GFOD2: variants seen among roughly 807,000 people sequenced by gnomAD.
GFOD2 encodes Gfo/Idh/MocA-like oxidoreductase domain containing 2.
A neutral mutation model predicts 24.6 loss-of-function variants in GFOD2; 9 were observed. The observed-to-expected ratio is 0.37, with a 90% confidence interval of 0.22 to 0.64. GFOD2 has a LOEUF of 0.64. GFOD2 is among the 30% of genes least tolerant of loss of function. GFOD2 has a pLI of 0.65. For missense variants in GFOD2, 476 were observed against 532.5 expected, an observed-to-expected ratio of 0.89 and a Z score of 1.04; for synonymous variants, 211 against 224.8, an observed-to-expected ratio of 0.94 and a Z score of 0.55.
chr16:67,682,153 TCAGCCTC>T (rs2053230440), intron 2 of GFOD2: 1 of 184,136 alleles, frequency 5.4e-6, no homozygotes, highest in African/African-American at 2.4e-5. Context: ...TTCTCCTGCC[TCAGCCTC>T]CTGAGTAGCT....
At chr16:67,676,789 C>T (rs2053187813) in intron 2 of GFOD2, 1 of 152,218 alleles carries the variant, frequency 6.6e-6, no homozygotes, top group Non-Finnish European at 1.5e-5. Flanking sequence ...TACGCTGCAG[C>T]CAACACGCAC....
At chr16:67,715,822 A>AC (rs2053502252) in intron 1 of GFOD2, among the ~76,000 whole-genome samples, 1 of 142,400 alleles carries the variant, frequency 7.0e-6, no homozygotes, top group African/African-American at 2.7e-5. Flanking sequence ...TGTTATAGAG[A>AC]CCCCCATCTC....
At chr16:67,681,557 C>T (rs991165524) in intron 2 of GFOD2, 44 of 486,074 alleles carry the variant, frequency 9.1e-5, no homozygotes, top group Admixed American at 2.6e-4. Context: ...CACAGGTGCA[C>T]GCCACTGTGC....
At chr16:67,695,428 ACTGT>A (rs2053351644) in intron 1 of GFOD2, among the ~76,000 whole-genome samples, 1 of 152,100 alleles carries the variant, frequency 6.6e-6, no homozygotes, top group East Asian at 1.9e-4. Context: ...CTATTTGGTC[ACTGT>A]CTGCTTTTAC....
At chr16:67,705,750 C>T (rs2053434433) in intron 1 of GFOD2, among the ~76,000 whole-genome samples, 1 of 151,796 alleles carries the variant, frequency 6.6e-6, no homozygotes, top group South Asian at 2.1e-4. Context: ...ACCAGCCTGG[C>T]CAACATCGTG....
chr16:67,697,076 C>A (rs1299520424), intron 1 of GFOD2, among the ~76,000 whole-genome samples: 3 of 152,222 alleles, frequency 2.0e-5, no homozygotes, highest in Non-Finnish European at 4.4e-5. Context: ...TTTCCCATCA[C>A]CACATGCTGG....
chr16:67,685,820 AC>A lies in GFOD2; in HGVS notation c.-87-19del. 7.4e-7 allele frequency: 1 copy of A among 1,348,214 alleles called. No homozygotes were observed. The highest frequency in any genetic ancestry group is 1.4e-5 in the South Asian group (1 of 73,552). The allele number at this position is 1,348,214 out of a possible 1,614,324, so 83.5% of individuals were successfully genotyped here. On this transcript the variant is annotated intron_variant, in intron 1 of 2. Transcript: ENST00000268797. ...CATGGCTCCTAGAATAGCAAACATT[AC>A]ACTGGTTATTACTGGAGAGGACACT...
intron 1 of GFOD2, among the ~76,000 whole-genome samples, chr16:67,713,653 A>G (rs575472039): frequency 1.3e-5 from 2 of 152,314 alleles, no homozygotes; most frequent in Admixed American, 6.5e-5. Context: ...TACAAAGGAT[A>G]GAGATGAAGA....
rs549070249 is a variant in GFOD2, at chr16:67,682,969, TTTTG to T, written c.259+2484_259+2487del. 1.9e-3 allele frequency: 783 copies of T among 410,460 alleles called. 4 individuals carry two copies. Among genetic ancestry groups the T allele is most frequent in the South Asian group, 0.01 (100 of 9,802 alleles). 25.4% of individuals were successfully genotyped at this position (410,460 alleles called of 1,614,324 possible). A position where few individuals can be genotyped will look rare whatever the true frequency, so the allele number is the denominator to read the frequency against. ...GTGGGGCCTGAGAATTTAGATTTCT[TTTTG>T]TTTGTTTGCTTTTGAGACAGTCTTA... is the stretch of plus-strand genomic sequence containing the variant. On this transcript the variant is annotated intron_variant, in intron 2 of 2. Transcript: ENST00000268797.
At chr16:67,718,038 T>C (rs1481439327) in intron 1 of GFOD2, among the ~76,000 whole-genome samples, 8 of 152,230 alleles carry the variant, frequency 5.3e-5, no homozygotes, top group Non-Finnish European at 1.5e-5. Context: ...CTTAAAACTC[T>C]TTTGTTCTCT....
rs548039958 is a variant in GFOD2 at position 67,691,822 on chromosome 16, T to C, written c.-87-6020A>G. On this transcript the variant is annotated intron_variant, in intron 1 of 2. Transcript: ENST00000268797. ...TAAAGTGTTTTCTGGATGCGCCTAC[T>C]CACTGGTGTCACCAGCTTCTCATGG... Among the ~76,000 whole-genome samples, 158 of 152,292 alleles carry C rather than the reference T, an allele frequency of 1.0e-3. 1 individual carries two copies. Among genetic ancestry groups the C allele is most frequent in the Non-Finnish European group, 1.9e-3 (128 of 68,028 alleles).
rs144416857 is a variant in GFOD2, at chr16:67,675,918, C to G, written c.395G>C (p.Arg132Pro). The G allele has an allele frequency of 6.2e-7, 1 of 1,614,086 alleles. No individual in the cohort carries two copies. The highest frequency in any genetic ancestry group is 8.5e-7 in the Non-Finnish European group (1 of 1,180,056). ...NVLRFLPAFV[R>P]MKQLISEHYV... Reference sequence around the variant, plus strand: ...GTGTTCCGAAATCAGCTGTTTCATGCGCACGAAGGCAGGCAGGAAGCGCAG... The same window carrying G: ...GTGTTCCGAAATCAGCTGTTTCATGGGCACGAAGGCAGGCAGGAAGCGCAG... Residue 132 changes from arginine (R) to proline (P), a missense_variant, in exon 3 of 3, where the codon CGC (arginine) becomes CCC (proline). By Grantham distance (103) the Arg-to-Pro change is moderately radical. Transcript: ENST00000268797.
chr16:67,696,122 T>C (rs948639906), intron 1 of GFOD2, among the ~76,000 whole-genome samples: 4 of 151,994 alleles, frequency 2.6e-5, no homozygotes, highest in Admixed American at 1.3e-4. Flanking sequence ...CAAGCGATTC[T>C]CCTGCCTCAG....
At chr16:67,709,393 G>A (rs1239291446) in intron 1 of GFOD2, among the ~76,000 whole-genome samples, 1 of 152,068 alleles carries the variant, frequency 6.6e-6, no homozygotes, top group Non-Finnish European at 1.5e-5. Flanking sequence ...AATTTATGTA[G>A]ATTGATTAAT....
Position 67,675,097 on chromosome 16 carries a change from T to C in GFOD2, c.*58A>G. The C allele has an allele frequency of 6.5e-7, 1 of 1,531,006 alleles. No homozygotes were observed. Among genetic ancestry groups the C allele is most frequent in the Non-Finnish European group, 8.9e-7 (1 of 1,129,518 alleles). The allele number at this position is 1,531,006 out of a possible 1,614,324, so 94.8% of individuals were successfully genotyped here. ...GCTAGGGCCAAGTCCCTGTCATGTC[T>C]GGCTCCTGTTCCCCTCCCTGGTCCC... On this transcript the variant is annotated 3_prime_UTR_variant, in exon 3 of 3. Transcript: ENST00000268797.
At chr16:67,682,450 C>A in intron 2 of GFOD2, 4 of 985,204 alleles carry the variant, frequency 4.1e-6, no homozygotes, top group East Asian at 1.1e-4. Context: ...ATGCTAGGGG[C>A]ACCTTGCACT....
In GFOD2 at chr16:67,685,653, T is replaced by C; in HGVS notation, c.63A>G (p.Pro21=). 1 of 1,614,100 alleles carries C rather than the reference T, an allele frequency of 6.2e-7. No homozygotes were observed. Among genetic ancestry groups the C allele is most frequent in the Non-Finnish European group, 8.5e-7 (1 of 1,180,016 alleles). The part of the protein sequence containing the change: ...GTGSSARVLV[P]LLRAEGFTVE... The stretch of plus-strand genomic sequence containing the variant: ...CAGTGAACCCTTCTGCCCTCAGCAG[T>C]GGGACCAGAACTCGGGCGGAGCTGC... Residue 21 remains proline, a synonymous_variant, in exon 2 of 3, where the codon CCA becomes CCG. Transcript: ENST00000268797.
chr16:67,698,471 G>A (rs1422106398), intron 1 of GFOD2, among the ~76,000 whole-genome samples: 1 of 152,044 alleles, frequency 6.6e-6, no homozygotes, highest in African/African-American at 2.4e-5. Flanking sequence ...AAGAACCATT[G>A]GATTTTTTTT....
intron 1 of GFOD2, among the ~76,000 whole-genome samples, chr16:67,688,306 T>G (rs1433518090): frequency 6.6e-6 from 1 of 152,212 alleles, no homozygotes; most frequent in East Asian, 1.9e-4. Context: ...GTAGAAGGAC[T>G]AGAATACTCC....
Sources: allele counts gnomAD v4.1 joint callset (sites outside exome capture counted in the v4.1 genomes callset), GRCh38; gene constraint gnomAD v4.1.1; transcripts MANE v1.5; gene names NCBI Gene and HGNC (gene_info 2026-07-23, HGNC 2026-07-21).